Variants in TXNRD1 observed in about 807,000 individuals in gnomAD.
The protein encoded by TXNRD1 is thioredoxin reductase 1, cytoplasmic.
Under a neutral mutation model 80.3 loss-of-function variants are expected in TXNRD1, and 57 were observed. The observed-to-expected ratio is 0.71, with a 90% CI of 0.57 to 0.89. TXNRD1 has a LOEUF of 0.89. Among genes scored for constraint, TXNRD1 ranks in the 40% least tolerant of loss-of-function variants. TXNRD1 has a pLI of 0.00. For synonymous variants in TXNRD1, 291 were observed against 285.2 expected (o/e 1.02, Z -0.20); for missense variants, 730 against 803.0 (o/e 0.91, Z 1.10).
rs114148861 is a variant in TXNRD1 at position 104,256,665 on chromosome 12, C to A, written c.244-1354C>A. Among the ~76,000 whole-genome samples the A allele has an allele frequency of 6.3e-3, 948 of 151,326 alleles. 12 individuals carry two copies. The highest frequency in any genetic ancestry group is 0.019 in the African/African-American group (771 of 41,222). ...GTGGTGGCGCATGCCTGTAACCCCA[C>A]CTAATTGGGTGGCTGAGGCAGGAGA... On this transcript the variant is annotated intron_variant, in intron 2 of 16. Coordinates refer to ENST00000525566, the MANE Select transcript of TXNRD1 (RefSeq NM_001093771.3).
chr12:104,259,035 A>G (rs1409299301), intron 3 of TXNRD1, among the ~76,000 whole-genome samples: 1 of 152,112 alleles, frequency 6.6e-6, no homozygotes, highest in Admixed American at 6.6e-5. Context: ...TAGTAGCTTT[A>G]AGGAAGCAGA....
intron 11 of TXNRD1, 63 bp downstream of exon 11, chr12:104,325,492 T>C: frequency 8.4e-7 from 1 of 1,188,168 alleles, no homozygotes; most frequent in Non-Finnish European, 1.2e-6. Flanking sequence ...TTGGGTATCT[T>C]ATAGGAACTT....
At chr12:104,246,053 C>G (rs2032980646) in intron 1 of TXNRD1, among the ~76,000 whole-genome samples, 1 of 143,772 alleles carries the variant, frequency 7.0e-6, no homozygotes, top group African/African-American at 2.6e-5. Context: ...GCGGAGCTTG[C>G]AGTGAGCTGA....
chr12:104,248,558 A>T (rs566670921), intron 1 of TXNRD1, among the ~76,000 whole-genome samples: 7 of 152,328 alleles, frequency 4.6e-5, no homozygotes, highest in African/African-American at 1.7e-4. Flanking sequence ...TGCAGGAATT[A>T]CGGGCGGGTG....
chr12:104,343,804 A>T (rs1176919084), intron 16 of TXNRD1, among the ~76,000 whole-genome samples: 1 of 151,180 alleles, frequency 6.6e-6, no homozygotes, highest in Admixed American at 6.6e-5. Flanking sequence ...GTCTCAAAAA[A>T]AAAAAATAAA....
At chr12:104,319,289 A>G (rs960561525) in intron 8 of TXNRD1, among the ~76,000 whole-genome samples, 181 bp from the exon 9 acceptor site, 2 of 152,160 alleles carry the variant, frequency 1.3e-5, no homozygotes, top group African/African-American at 4.8e-5. Context: ...AGCACTTACT[A>G]ACATTGTGAC....
chr12:104,280,814 G>T (rs1484641974), intron 3 of TXNRD1: 2 of 152,040 alleles, frequency 1.3e-5, no homozygotes, highest in East Asian at 3.9e-4. Flanking sequence ...CAGCCTATCA[G>T]CCAGCCTTGG....
chr12:104,259,112 CT>C (rs1318535740), intron 3 of TXNRD1, among the ~76,000 whole-genome samples: 1 of 152,118 alleles, frequency 6.6e-6, no homozygotes, highest in Non-Finnish European at 1.5e-5. Flanking sequence ...GGCATGGTGG[CT>C]CGCTTCTGTA....
intron 1 of TXNRD1, among the ~76,000 whole-genome samples, chr12:104,225,574 T>G (rs2032455344): frequency 1.3e-5 from 2 of 152,132 alleles, no homozygotes; most frequent in South Asian, 4.1e-4. Context: ...TCTCATGAGA[T>G]ATGATGGTTT....
chr12:104,303,958 G>T, intron 4 of TXNRD1: 2 of 1,601,514 alleles, frequency 1.2e-6, no homozygotes, highest in Non-Finnish European at 1.7e-6. Context: ...TGTCAGTGAG[G>T]GCCGCGGGCT....
intron 2 of TXNRD1, among the ~76,000 whole-genome samples, chr12:104,253,963 G>C (rs1195985223): frequency 6.6e-6 from 1 of 152,178 alleles, no homozygotes; most frequent in Non-Finnish European, 1.5e-5. Context: ...AAAGTGCTGG[G>C]ATTATAGGCG....
At chr12:104,240,415 C>A (rs11111945) in intron 1 of TXNRD1, among the ~76,000 whole-genome samples, 27,812 of 152,090 alleles carry the variant, frequency 0.18, 3,207 homozygotes, top group East Asian at 0.57. Context: ...GTCACATTGA[C>A]TGAACATTTT....
At chr12:104,258,156 T>C in intron 3 of TXNRD1, 77 bp downstream of exon 3, 1 of 1,185,142 alleles carries the variant, frequency 8.4e-7, no homozygotes. Context: ...GGCTTTAATT[T>C]GTCTTCCTTG....
intron 16 of TXNRD1, among the ~76,000 whole-genome samples, chr12:104,341,805 C>T (rs1379833273): frequency 6.6e-6 from 1 of 152,206 alleles, no homozygotes; most frequent in African/African-American, 2.4e-5. Context: ...GCCTCCACTG[C>T]AGAGGCCAGT....
chr12:104,241,780 A>G (rs2032873746), intron 1 of TXNRD1, among the ~76,000 whole-genome samples: 1 of 151,930 alleles, frequency 6.6e-6, no homozygotes, highest in East Asian at 1.9e-4. Flanking sequence ...GGCTCAAGTG[A>G]TGCTCCTTCC....
At chr12:104,270,356 A>AGTAG (rs1227542135) in intron 3 of TXNRD1, among the ~76,000 whole-genome samples, 12 of 152,340 alleles carry the variant, frequency 7.9e-5, no homozygotes, top group African/African-American at 1.9e-4. Context: ...GGATTTTGTT[A>AGTAG]GTAGTCATGA....
intron 2 of TXNRD1, among the ~76,000 whole-genome samples, chr12:104,257,615 G>A (rs1459551832): frequency 6.6e-6 from 1 of 151,918 alleles, no homozygotes; most frequent in Non-Finnish European, 1.5e-5. Flanking sequence ...CCCCATGTTG[G>A]CCAGGCTGGT....
chr12:104,315,961 T>C (rs1179414604), intron 7 of TXNRD1, 65 bp downstream of exon 7: 1 of 1,535,684 alleles, frequency 6.5e-7, no homozygotes, highest in Non-Finnish European at 8.8e-7. Flanking sequence ...ATTTTTGTGA[T>C]GCGTCGTCCA....
chr12:104,318,366 C>CA (rs777624212), intron 7 of TXNRD1, among the ~76,000 whole-genome samples: 1 of 152,112 alleles, frequency 6.6e-6, no homozygotes, highest in Non-Finnish European at 1.5e-5. Flanking sequence ...ATTCTTGGGG[C>CA]ATAGGGTCTC....
Sources: gnomAD v4.1 joint callset for allele counts (sites outside exome capture counted in the v4.1 genomes callset) on GRCh38, gnomAD v4.1.1 for gene constraint, MANE v1.5 for transcripts, NCBI Gene and HGNC (gene_info 2026-07-23, HGNC 2026-07-21) for gene names.